ARHGAP6: variants seen among roughly 807,000 people sequenced by gnomAD.
ARHGAP6 encodes rho GTPase-activating protein 6.
In ARHGAP6, 16 loss-of-function variants were observed where a neutral mutation model predicts 55.7. That is an observed-to-expected ratio of 0.29 (90% CI 0.19 to 0.44). The LOEUF (loss-of-function observed/expected upper bound fraction) is 0.44. Ranked by LOEUF, ARHGAP6 falls within the 20% of genes least tolerant of loss-of-function variation. ARHGAP6 has a pLI of 1.00. For synonymous variants in ARHGAP6, 382 were observed against 360.9 expected (o/e 1.06, Z -0.66); for missense variants, 698 against 808.9 (o/e 0.86, Z 1.66).
intron 9 of ARHGAP6, among the ~76,000 whole-genome samples, chrX:11,157,086 C>T (rs2045874276): frequency 8.9e-6 from 1 of 112,037 alleles, no homozygotes; most frequent in Admixed American, 9.4e-5. Flanking sequence ...AAGGCAGGCC[C>T]TTGAGCCAGA....
chrX:11,344,678 C>CAAAAAA (rs34123570), intron 1 of ARHGAP6, among the ~76,000 whole-genome samples: 104 of 28,200 alleles, frequency 3.7e-3, no homozygotes, highest in Non-Finnish European at 4.1e-3. Context: ...AACTCCATCA[C>CAAAAAA]AAAAAAAAAA....
chrX:11,537,683 G>A (rs192225110), intron 1 of ARHGAP6, among the ~76,000 whole-genome samples: 100 of 111,769 alleles, frequency 8.9e-4, no homozygotes, highest in African/African-American at 3.1e-3. Flanking sequence ...TCAGGACCCC[G>A]TTACACTCAT....
intron 1 of ARHGAP6, among the ~76,000 whole-genome samples, chrX:11,306,028 TG>T (rs1365640016): frequency 9.0e-6 from 1 of 111,698 alleles, no homozygotes; most frequent in Non-Finnish European, 1.9e-5. Context: ...GCCTCCTTGC[TG>T]CTGTATCCCA....
At chrX:11,532,388 T>A (rs1388043301) in intron 1 of ARHGAP6, among the ~76,000 whole-genome samples, 1 of 112,562 alleles carries the variant, frequency 8.9e-6, no homozygotes, top group Non-Finnish European at 1.9e-5. Flanking sequence ...TGTTAGAGAC[T>A]GTGGGTACAC....
At chrX:11,227,546 A>G (rs190580446) in intron 2 of ARHGAP6, among the ~76,000 whole-genome samples, 1 of 110,626 alleles carries the variant, frequency 9.0e-6, no homozygotes, top group African/African-American at 3.3e-5. Context: ...TATCTTCCTA[A>G]CACTCTCCCC....
chrX:11,624,463 T>C (rs1346843923), intron 1 of ARHGAP6, among the ~76,000 whole-genome samples: 1 of 113,152 alleles, frequency 8.8e-6, no homozygotes, highest in Non-Finnish European at 1.9e-5. Context: ...AGGAAATATT[T>C]GTCAACTATT....
At chrX:11,611,712 C>T (rs1175411787) in intron 1 of ARHGAP6, among the ~76,000 whole-genome samples, 2 of 111,888 alleles carry the variant, frequency 1.8e-5, no homozygotes, top group Non-Finnish European at 3.8e-5. Context: ...GCCTGTCTCA[C>T]TCCTTGCCCT....
intron 1 of ARHGAP6, among the ~76,000 whole-genome samples, chrX:11,311,333 T>TTCCA (rs1017813093): frequency 8.9e-6 from 1 of 112,143 alleles, no homozygotes; most frequent in African/African-American, 3.2e-5. Context: ...GCTTGTTTGT[T>TTCCA]TCCATATCCT....
chrX:11,295,910 C>A (rs1318194110), intron 1 of ARHGAP6, among the ~76,000 whole-genome samples: 1 of 111,937 alleles, frequency 8.9e-6, no homozygotes, highest in Non-Finnish European at 1.9e-5. Context: ...GACCGTCTCT[C>A]CTCCCTGGAC....
At chrX:11,200,855 T>C (rs756521795) in intron 2 of ARHGAP6, among the ~76,000 whole-genome samples, 2 of 112,393 alleles carry the variant, frequency 1.8e-5, no homozygotes, top group Non-Finnish European at 3.8e-5. Flanking sequence ...ATTTTCCATA[T>C]TACAATTAAT....
intron 1 of ARHGAP6, among the ~76,000 whole-genome samples, chrX:11,590,869 G>GGAAGGAAAGAAAGAAA (rs2051813946): frequency 8.3e-5 from 2 of 24,218 alleles, no homozygotes; most frequent in Non-Finnish European, 6.7e-5. Context: ...AAGAAAAGAA[G>GGAAGGAAAGAAAGAAA]GAAAGAAAGA....
At chrX:11,656,596 T>A (rs1335308545) in intron 1 of ARHGAP6, among the ~76,000 whole-genome samples, 2 of 111,344 alleles carry the variant, frequency 1.8e-5, no homozygotes, top group Non-Finnish European at 3.8e-5. Context: ...AAGCCAGAAG[T>A]GTAGCATCTT....
chrX:11,374,378 A>G (rs2049176907), intron 1 of ARHGAP6, among the ~76,000 whole-genome samples: 1 of 112,195 alleles, frequency 8.9e-6, no homozygotes, highest in Admixed American at 9.4e-5. Context: ...TGTGGAAGCT[A>G]TAAAGAAAAC....
chrX:11,473,577 A>G (rs1056589232), intron 1 of ARHGAP6, among the ~76,000 whole-genome samples: 2 of 111,487 alleles, frequency 1.8e-5, no homozygotes, highest in Admixed American at 9.5e-5. Context: ...AAGGAACATC[A>G]AGGATTGCCA....
intron 1 of ARHGAP6, among the ~76,000 whole-genome samples, chrX:11,382,966 G>A (rs1473156445): frequency 8.9e-6 from 1 of 112,110 alleles, no homozygotes; most frequent in African/African-American, 3.2e-5. Context: ...CACATTTTTA[G>A]TGATGATAAT....
At chrX:11,298,605 G>A (rs371530769) in intron 1 of ARHGAP6, 18 of 1,208,006 alleles carry the variant, frequency 1.5e-5, no homozygotes, top group Admixed American at 2.2e-5. Context: ...AATCATCCCC[G>A]TGCTGTCCCA....
intron 10 of ARHGAP6, among the ~76,000 whole-genome samples, chrX:11,154,291 G>C (rs1248831155): frequency 9.0e-6 from 1 of 111,715 alleles, no homozygotes; most frequent in Non-Finnish European, 1.9e-5. Flanking sequence ...TCTTGGTCTA[G>C]GGTCTGCTCA....
chrX:11,582,902 C>T (rs1265616002), intron 1 of ARHGAP6, among the ~76,000 whole-genome samples: 1 of 110,058 alleles, frequency 9.1e-6, no homozygotes, highest in Non-Finnish European at 1.9e-5. Context: ...TGAATTATAC[C>T]TCAATAGAGC....
At chrX:11,525,248 A>G (rs1232258595) in intron 1 of ARHGAP6, among the ~76,000 whole-genome samples, 1 of 111,745 alleles carries the variant, frequency 8.9e-6, no homozygotes, top group Non-Finnish European at 1.9e-5. Flanking sequence ...ATGTCTCCAG[A>G]CATTGTCAAG....
Sources: gnomAD v4.1 joint callset for allele counts (sites outside exome capture counted in the v4.1 genomes callset) on GRCh38, gnomAD v4.1.1 for gene constraint, MANE v1.5 for transcripts, NCBI Gene and HGNC (gene_info 2026-07-23, HGNC 2026-07-21) for gene names.